Variants in CYP2W1 observed in about 807,000 individuals in gnomAD.
CYP2W1 encodes the protein cytochrome P450 family 2 subfamily W member 1, also known as cytochrome P450 2W1.
Under a neutral mutation model 44.9 loss-of-function variants are expected in CYP2W1, and 51 were observed. The observed-to-expected ratio is 1.14, with a 90% CI of 0.91 to 1.43. The LOEUF is 1.43. Among genes scored for constraint, CYP2W1 ranks in the 40% most tolerant of loss-of-function variants. The probability of loss-of-function intolerance (pLI) is 0.00; values close to 1 mark genes in which losing one functional copy is unlikely to be tolerated. For missense variants in CYP2W1, 746 were observed against 700.0 expected, an observed-to-expected ratio of 1.07 and a Z score of -0.74; for synonymous variants, 383 against 338.3, an observed-to-expected ratio of 1.13 and a Z score of -1.45.
chr7:983,948 C>T (rs753289019), intron 1 of CYP2W1, among the ~76,000 whole-genome samples: 4 of 152,192 alleles, frequency 2.6e-5, no homozygotes, highest in Non-Finnish European at 5.9e-5. Flanking sequence ...ACAGGGCTGA[C>T]CAGTCAGGCC....
intron 5 of CYP2W1, 47 bp from the exon 6 acceptor site, chr7:987,060 G>C: frequency 6.9e-7 from 1 of 1,453,354 alleles, no homozygotes. Context: ...GTGGGGTGGG[G>C]GACAGACCCC....
In CYP2W1 at chr7:984,978, G is replaced by A. The variant is rs1848215248; in HGVS notation, c.366G>A (p.Trp122Ter). The A allele has an allele frequency of 1.9e-6, 3 of 1,607,814 alleles. No individual in the cohort carries two copies. In the South Asian group the frequency reaches 3.3e-5, roughly 18 times the overall value. Residue 122 changes from tryptophan to a stop codon, truncating the protein, a stop_gained, in exon 3 of 9, where the codon TGG (tryptophan) becomes TGA (stop). Transcript: ENST00000308919. LOFTEE classifies it high-confidence loss of function. ...TCTTCTTCTCATCTGGGGCGCGCTG[G>A]AGGGCTGCCCGCCAGTTCACGGTGC... is the stretch of plus-strand genomic sequence containing the variant. Reference protein sequence around the residue: ...GGIFFSSGARWRAARQFTVRA... With the variant: ...GGIFFSSGAR
chr7:988,896 A>C lies in CYP2W1; in HGVS notation c.*74A>C, dbSNP rs1317406997. 16 of 819,646 alleles carry C rather than the reference A, an allele frequency of 2.0e-5. No individual in the cohort carries two copies. The highest frequency in any genetic ancestry group is 9.4e-5 in the African/African-American group (3 of 31,932). The allele number at this position is 819,646 out of a possible 1,614,324, so 50.8% of individuals were successfully genotyped here. Reference sequence around the variant, plus strand: ...GGGTCCTCCCACCCTCTCTCCTCCCACCCCACAGCTCGGACTGCTCTGGGA... The same window carrying C: ...GGGTCCTCCCACCCTCTCTCCTCCCCCCCCACAGCTCGGACTGCTCTGGGA... On this transcript the variant is annotated 3_prime_UTR_variant, in exon 9 of 9. Coordinates refer to ENST00000308919, the MANE Select transcript of CYP2W1 (RefSeq NM_017781.3).
At chr7:983,879 C>G (rs558181123) in intron 1 of CYP2W1, among the ~76,000 whole-genome samples, 1 of 152,348 alleles carries the variant, frequency 6.6e-6, no homozygotes, top group African/African-American at 2.4e-5. Context: ...GGACACGGCA[C>G]GGGGCAGCCT....
chr7:987,148 G>C lies in CYP2W1; in HGVS notation c.861G>C (p.Val287=). ...PEGLFAEANA[V]ACTLDMVMAG... ...GCCTGTTTGCTGAGGCCAACGCGGT[G>C]GCCTGCACCCTGGACATGGTCATGG... The change falls in exon 6 of 9, where the codon GTG becomes GTC. Residue 287 remains valine (V), a synonymous_variant. Coordinates refer to ENST00000308919, the MANE Select transcript of CYP2W1 (RefSeq NM_017781.3). 2 of 1,579,358 alleles carry C rather than the reference G, an allele frequency of 1.3e-6. No homozygotes were observed. The highest frequency in any genetic ancestry group is 1.7e-6 in the Non-Finnish European group (2 of 1,163,182).
chr7:986,797 G>A lies in CYP2W1; in HGVS notation c.819G>A (p.Gln273=), dbSNP rs756135279. 5.8e-5 allele frequency: 90 copies of A among 1,553,222 alleles called. No individual in the cohort carries two copies. The highest frequency in any genetic ancestry group is 7.7e-5 in the Non-Finnish European group (89 of 1,149,200). The change falls in exon 5 of 9, where the codon CAG becomes CAA. Residue 273 remains glutamine (Q), a splice_region_variant and synonymous_variant. Coordinates refer to ENST00000308919, the MANE Select transcript of CYP2W1 (RefSeq NM_017781.3). ...TGGACGCCCTGATCCAGCAGGGACA[G>A]GTGTGTCGGGACCCAAGACCTCCTT... ...SYVDALIQQG[Q]GDDPEGLFAE...
intron 4 of CYP2W1, among the ~76,000 whole-genome samples, chr7:985,898 G>A (rs911733810): frequency 6.6e-5 from 10 of 152,308 alleles, no homozygotes; most frequent in African/African-American, 1.9e-4. Context: ...AGGCAGGGCC[G>A]TGATGGGAGT....
chr7:983,314 C>A lies in CYP2W1; in HGVS notation c.103C>A (p.Pro35Thr). The change falls in exon 1 of 9, where the codon CCT (proline) becomes ACT (threonine). Residue 35 changes from proline to threonine, a missense_variant. Coordinates refer to ENST00000308919, the MANE Select transcript of CYP2W1 (RefSeq NM_017781.3). ...PSPAARWPPG[P>T]RPLPLVGNLH... ...CCCAGCTGCCCGGTGGCCCCCGGGG[C>A]CTCGCCCGCTGCCGCTCGTCGGGAA... 1 of 1,540,996 alleles carries A rather than the reference C, an allele frequency of 6.5e-7. No homozygotes were observed. Among genetic ancestry groups the A allele is most frequent in the Non-Finnish European group, 8.7e-7 (1 of 1,144,888 alleles).
intron 1 of CYP2W1, among the ~76,000 whole-genome samples, chr7:984,067 C>G (rs532168244): frequency 9.2e-5 from 14 of 152,348 alleles, no homozygotes; most frequent in African/African-American, 3.1e-4. Context: ...GGCCCTCACT[C>G]TGTGCAGACT....
chr7:986,928 G>C (rs1848399451), intron 5 of CYP2W1, 131 bp downstream of exon 5: 1 of 1,324,594 alleles, frequency 7.5e-7, no homozygotes, highest in Non-Finnish European at 1.0e-6. Flanking sequence ...GGGCCTCTCA[G>C]AGCCTCAGTC....
chr7:987,416 C>T lies in CYP2W1; in HGVS notation c.1028C>T (p.Ala343Val), dbSNP rs1353046140. The change falls in exon 7 of 9, where the codon GCT becomes GTT. Residue 343 changes from alanine (A) to valine (V), a missense_variant. Physicochemically the swap from Ala to Val is moderately conservative, Grantham distance 64 (BLOSUM62 0). Transcript: ENST00000308919. ...GRTPRLEDQQALPYTSAVLHE... is the reference protein window; with the variant it reads ...GRTPRLEDQQVLPYTSAVLHE... ...ACTCCCCGGCTGGAGGACCAGCAGG[C>T]TCTGCCCTACACAAGCGCCGTGCTC... 1.9e-6 allele frequency: 3 copies of T among 1,594,134 alleles called. No homozygotes were observed. The highest frequency in any genetic ancestry group is 1.7e-4 in the Middle Eastern group (1 of 6,036).
intron 7 of CYP2W1, 118 bp downstream of exon 7, chr7:987,649 C>T (rs1848471196): frequency 1.9e-6 from 2 of 1,044,046 alleles, no homozygotes; most frequent in South Asian, 1.8e-5. Context: ...CGCTCCCCGA[C>T]CGGAGGCAAT....
rs750476691 is a variant in CYP2W1 at position 987,260 on chromosome 7, C to G, written c.958+15C>G. ...GGACGTGCAGGGTGAGACCCCGGCG[C>G]CTGGCGAGACGGCTCCTTCTGCCCC... On this transcript the variant is annotated intron_variant, in intron 6 of 8. Transcript: ENST00000308919. The G allele has an allele frequency of 2.7e-6, 4 of 1,507,324 alleles. No individual in the cohort carries two copies. In the African/African-American group the frequency reaches 5.5e-5, roughly 21 times the overall value. 93.4% of individuals were successfully genotyped at this position (1,507,324 alleles called of 1,614,324 possible). A position where few individuals can be genotyped will look rare whatever the true frequency, so the allele number is the denominator to read the frequency against.
In CYP2W1 at chr7:988,598, T is replaced by C. The variant is rs751592941; in HGVS notation, c.1286-37T>C. ...CACCCCTCCCCTCCAGGAGCAGGCC[T>C]GGTGCAGCCCACTCTGTGCCTGGAC... is the stretch of plus-strand genomic sequence containing the variant. On this transcript the variant is annotated intron_variant, in intron 8 of 8. Coordinates refer to ENST00000308919, the MANE Select transcript of CYP2W1 (RefSeq NM_017781.3). 14 of 1,601,126 alleles carry C rather than the reference T, an allele frequency of 8.7e-6. No individual in the cohort carries two copies. In the East Asian group the frequency reaches 2.7e-4, roughly 31 times the overall value.
chr7:986,115 C>A (rs965521494), intron 4 of CYP2W1, among the ~76,000 whole-genome samples: 6 of 152,184 alleles, frequency 3.9e-5, no homozygotes, highest in African/African-American at 1.4e-4. Flanking sequence ...CAGCTCCTTA[C>A]CACAGAGACG....
intron 1 of CYP2W1, among the ~76,000 whole-genome samples, 176 bp from the exon 2 acceptor site, chr7:984,236 G>A (rs922573371): frequency 6.1e-4 from 93 of 152,210 alleles, no homozygotes; most frequent in Admixed American, 4.6e-4. Context: ...GCTCCAGGCT[G>A]GGCGCTGCCC....
rs747594942 is a variant in CYP2W1 at position 986,592 on chromosome 7, C to G, written c.646-32C>G. 5.0e-6 allele frequency: 8 copies of G among 1,610,674 alleles called. No homozygotes were observed. In the Admixed American group the frequency reaches 1.3e-4, roughly 27 times the overall value. Reference sequence around the variant, plus strand: ...CCAGCGTGCAGCCCTGGGGCTGCGTCCTTATCTCCGCTCCTCCTGCCTCCT... The same window carrying G: ...CCAGCGTGCAGCCCTGGGGCTGCGTGCTTATCTCCGCTCCTCCTGCCTCCT... On this transcript the variant is annotated intron_variant, in intron 4 of 8. Coordinates refer to ENST00000308919, the MANE Select transcript of CYP2W1 (RefSeq NM_017781.3).
At chr7:986,571 C>G in intron 4 of CYP2W1, 53 bp from the exon 5 acceptor site, 2 of 1,584,224 alleles carry the variant, frequency 1.3e-6, no homozygotes, top group Admixed American at 1.7e-5. Context: ...GCCTGCCCAG[C>G]GTGCAGCCCT....
chr7:985,269 C>T lies in CYP2W1; in HGVS notation c.591C>T (p.Ser197=). The T allele has an allele frequency of 3.2e-6, 5 of 1,551,828 alleles. No individual in the cohort carries two copies. The highest frequency in any genetic ancestry group is 3.5e-6 in the Non-Finnish European group (4 of 1,147,450). The change falls in exon 4 of 9, where the codon TCC becomes TCT. Residue 197 remains serine, a synonymous_variant. Coordinates refer to ENST00000308919, the MANE Select transcript of CYP2W1 (RefSeq NM_017781.3). ...RFDYRDPVFV[S]LLGLIDEVMV... is the part of the protein sequence containing the mutation. ...ACTACCGGGACCCCGTGTTTGTGTC[C>T]CTGCTGGGTCTCATCGATGAGGTCA...
Sources: allele counts gnomAD v4.1 joint callset (sites outside exome capture counted in the v4.1 genomes callset), GRCh38; gene constraint gnomAD v4.1.1; transcripts MANE v1.5; gene names NCBI Gene and HGNC (gene_info 2026-07-23, HGNC 2026-07-21).